GPN1: variants seen among roughly 807,000 people sequenced by gnomAD.
The protein encoded by GPN1 is ATP(GTP)-binding protein.
GPN1 carries 44 observed loss-of-function variants against 55.9 expected under a neutral mutation model. The ratio of observed to expected loss-of-function variants is 0.79; its 90% CI spans 0.62 to 1.01. The LOEUF (loss-of-function observed/expected upper bound fraction) is 1.01. GPN1 is among the 50% of genes least tolerant of loss of function. The pLI is 0.00. For missense variants in GPN1, 466 were observed against 462.8 expected (o/e 1.01, Z -0.06); for synonymous variants, 179 against 162.5 (o/e 1.10, Z -0.77).
intron 10 of GPN1, among the ~76,000 whole-genome samples, chr2:27,640,794 A>T (rs1055315913): frequency 6.6e-6 from 1 of 152,174 alleles, no homozygotes; most frequent in Non-Finnish European, 1.5e-5. Flanking sequence ...GTTTTCAGAC[A>T]TGTTATTTTG....
chr2:27,644,723 G>GTTTTT (rs1297764271), intron 12 of GPN1, among the ~76,000 whole-genome samples: 15 of 101,736 alleles, frequency 1.5e-4, no homozygotes, highest in African/African-American at 3.9e-4. Context: ...TTTTGGTAGT[G>GTTTTT]TTTTTTTTTT....
At chr2:27,647,318 C>T (rs761576976) in intron 12 of GPN1, among the ~76,000 whole-genome samples, 5 of 152,206 alleles carry the variant, frequency 3.3e-5, no homozygotes, top group Non-Finnish European at 7.3e-5. Context: ...AATTTTACTT[C>T]TATTAGTGTA....
rs60089768 is a variant in GPN1, at chr2:27,629,250, A to AGGTCTTCG, written c.111+81_111+82insGGTCTTCG. The AGGTCTTCG allele has an allele frequency of 2.7e-5, 42 of 1,540,586 alleles. 1 individual carries two copies. The East Asian group carries it at 7.2e-4, about 27-fold the overall frequency. Reference sequence around the variant, plus strand: ...CGGAAGGCCAGGAAGAAAGGGAGGGAAGAGGATTTGGAGGGTACCGGCGCA... The same window carrying AGGTCTTCG: ...CGGAAGGCCAGGAAGAAAGGGAGGGAGGTCTTCGAGAGGATTTGGAGGGTACCGGCGCA... On this transcript the variant is annotated intron_variant, in intron 1 of 13. Transcript: ENST00000610189.
rs1418768321 is a variant in GPN1, at chr2:27,643,144, T to A, written c.931+625T>A. 6.6e-6 allele frequency among the ~76,000 whole-genome samples: 1 copy of A among 151,430 alleles called. No homozygotes were observed. The highest frequency in any genetic ancestry group is 2.4e-5 in the African/African-American group (1 of 41,372). On this transcript the variant is annotated intron_variant, in intron 12 of 13. Coordinates refer to ENST00000610189, the MANE Select transcript of GPN1 (RefSeq NM_007266.4). This position sits in a 1 kb window ranked among gnomAD's most constrained non-coding sequence, Gnocchi z 4.0. ...TGATGTGTGCTGTGGTGGTTTTTTT[T>A]GTTTGTTTCTAACACTTTTAACCCT... is the stretch of plus-strand genomic sequence containing the variant.
chr2:27,645,238 T>C (rs1674168344), intron 12 of GPN1, among the ~76,000 whole-genome samples: 1 of 152,212 alleles, frequency 6.6e-6, no homozygotes, highest in South Asian at 2.1e-4. Context: ...CCCAAGGTGT[T>C]GGGATCATAG....
At chr2:27,632,579 T>C in intron 4 of GPN1, 54 bp from the exon 5 acceptor site, 1 of 1,255,430 alleles carries the variant, frequency 8.0e-7, no homozygotes, top group Non-Finnish European at 1.2e-6. Context: ...GAGAGGGCTC[T>C]GTGATTTTGT....
intron 8 of GPN1, 151 bp from the exon 9 acceptor site, chr2:27,638,734 G>A: frequency 1.6e-6 from 1 of 635,780 alleles, no homozygotes; most frequent in Non-Finnish European, 2.7e-6. Flanking sequence ...AATGATTGTG[G>A]TTCTTTGTGG....
chr2:27,643,190 A>T lies in GPN1; in HGVS notation c.931+671A>T, dbSNP rs922032973. ...ACCCTCCTCAATTTTTTTTATAATTAAAAAAAATTTTTTTTTTTTTACAGT... is the reference window on the plus strand; with the variant it reads ...ACCCTCCTCAATTTTTTTTATAATTTAAAAAAATTTTTTTTTTTTTACAGT... On this transcript the variant is annotated intron_variant, in intron 12 of 13. Coordinates refer to ENST00000610189, the MANE Select transcript of GPN1 (RefSeq NM_007266.4). This position sits in a 1 kb window ranked among gnomAD's most constrained non-coding sequence, Gnocchi z 4.0. Among the ~76,000 whole-genome samples, 4 of 150,248 alleles carry T rather than the reference A, an allele frequency of 2.7e-5. No individual in the cohort carries two copies. Among genetic ancestry groups the T allele is most frequent in the Non-Finnish European group, 5.9e-5 (4 of 67,622 alleles).
rs57185039 is a variant in GPN1, at chr2:27,635,300, CTTTT to C, written c.524+79_524+82del. ...AAGGCCTTTTTCTCTTCTTCTTCCT[CTTTT>C]TTTTTTTTTTTTGAATCTGGTTGCT... On this transcript the variant is annotated intron_variant, in intron 7 of 13. Transcript: ENST00000610189. The C allele has an allele frequency of 2.5e-4, 130 of 522,662 alleles. 1 individual carries two copies. Among genetic ancestry groups the C allele is most frequent in the Middle Eastern group, 7.7e-4 (2 of 2,600 alleles). 32.4% of individuals were successfully genotyped at this position (522,662 alleles called of 1,614,324 possible).
chr2:27,631,964 C>T (rs1224385256), intron 4 of GPN1, 64 bp downstream of exon 4: 1 of 925,472 alleles, frequency 1.1e-6, no homozygotes, highest in Non-Finnish European at 1.8e-6. Flanking sequence ...AATTCCTTAG[C>T]TTGATCACAT....
At position 27,638,497 on chromosome 2, in the gene GPN1, T is replaced by G. The variant is rs1254406544; in HGVS notation, c.570+242T>G. ...CACTTCAACCACAGTATGTAGATTA[T>G]CCCTCAGAGTCAAGATTGTGTAATT... On this transcript the variant is annotated intron_variant, in intron 8 of 13. Transcript: ENST00000610189. Among the ~76,000 whole-genome samples the G allele has an allele frequency of 3.3e-5, 5 of 152,194 alleles. No homozygotes were observed. In the South Asian group the frequency reaches 1.0e-3, roughly 32 times the overall value.
At chr2:27,632,781 A>G (rs992342334) in intron 5 of GPN1, 111 bp downstream of exon 5, 6 of 775,034 alleles carry the variant, frequency 7.7e-6, no homozygotes, top group African/African-American at 7.0e-5. Flanking sequence ...TTGAGATGAA[A>G]CCATTAGGAG....
At chr2:27,634,190 T>C in intron 5 of GPN1, among the ~76,000 whole-genome samples, 1 of 152,186 alleles carries the variant, frequency 6.6e-6, no homozygotes. Context: ...TATTGGCCAT[T>C]GGTATGTATA....
intron 11 of GPN1, chr2:27,642,196 T>A: frequency 2.3e-6 from 1 of 426,174 alleles, no homozygotes; most frequent in East Asian, 4.0e-5. Flanking sequence ...AACCTTTTTG[T>A]GTTCCGTTTC....
intron 13 of GPN1, among the ~76,000 whole-genome samples, chr2:27,649,618 A>G (rs532927059): frequency 2.4e-4 from 37 of 152,304 alleles, no homozygotes; most frequent in African/African-American, 8.4e-4. Context: ...TGCCATAGAA[A>G]TAGAATCACA....
In GPN1 at chr2:27,644,263, G is replaced by T. The variant is rs57874174; in HGVS notation, c.931+1744G>T. On this transcript the variant is annotated intron_variant, in intron 12 of 13. Transcript: ENST00000610189. ...AGAATTTTGTGGGGTGATGCTTTGA[G>T]ACTATAAATATCCTTTTAGTTTTCT... 4.1e-3 allele frequency among the ~76,000 whole-genome samples: 617 copies of T among 152,172 alleles called. 4 individuals are homozygous for T. The highest frequency in any genetic ancestry group is 0.014 in the African/African-American group (590 of 41,514).
intron 12 of GPN1, among the ~76,000 whole-genome samples, chr2:27,647,532 C>T (rs185920315): frequency 6.6e-6 from 1 of 152,166 alleles, no homozygotes. Flanking sequence ...AAAACCATCA[C>T]CCCTTCCAAG....
chr2:27,628,892 G>A, upstream of GPN1: 2 of 1,470,052 alleles, frequency 1.4e-6, no homozygotes, highest in Non-Finnish European at 1.8e-6. Flanking sequence ...GTCACTAGTT[G>A]ACTCATCAGC....
At chr2:27,633,669 G>A (rs1490225963) in intron 5 of GPN1, among the ~76,000 whole-genome samples, 1 of 151,954 alleles carries the variant, frequency 6.6e-6, no homozygotes, top group Non-Finnish European at 1.5e-5. Context: ...TAGAGATGGG[G>A]TTTCACCATG....
Sources: allele counts gnomAD v4.1 joint callset (sites outside exome capture counted in the v4.1 genomes callset), GRCh38; gene constraint gnomAD v4.1.1; non-coding constraint Gnocchi (gnomAD v3.1); transcripts MANE v1.5; gene names NCBI Gene and HGNC (gene_info 2026-07-23, HGNC 2026-07-21).